The following RAP1A variants were observed in gnomAD, a reference collection of about 807,000 sequenced individuals.
RAP1A encodes ras-related protein Rap-1A.
Under a neutral mutation model 26.4 loss-of-function variants are expected in RAP1A, and 6 were observed. That is an observed-to-expected ratio of 0.23 (90% CI 0.12 to 0.45). RAP1A has a LOEUF of 0.45. RAP1A is among the 20% of genes least tolerant of loss of function. The pLI is 0.99. For missense variants in RAP1A, 121 were observed against 217.2 expected, an observed-to-expected ratio of 0.56 and a Z score of 2.78; for synonymous variants, 73 against 79.4, an observed-to-expected ratio of 0.92 and a Z score of 0.43.
intron 1 of RAP1A, among the ~76,000 whole-genome samples, chr1:111,653,798 G>C (rs1373273939): frequency 6.6e-6 from 1 of 152,008 alleles, no homozygotes; most frequent in African/African-American, 2.4e-5. Context: ...GAGAGGTCAG[G>C]GAGAGAAAAG....
At chr1:111,673,151 G>C (rs1661025180) in intron 1 of RAP1A, among the ~76,000 whole-genome samples, 1 of 152,126 alleles carries the variant, frequency 6.6e-6, no homozygotes, top group South Asian at 2.1e-4. Context: ...ACTCTAAAGA[G>C]CACTGTCCTT....
chr1:111,635,405 C>A (rs940330229), intron 1 of RAP1A, among the ~76,000 whole-genome samples: 1 of 152,158 alleles, frequency 6.6e-6, no homozygotes, highest in Non-Finnish European at 1.5e-5. Flanking sequence ...CATGTAGTGC[C>A]TACCAGTTTT....
intron 1 of RAP1A, among the ~76,000 whole-genome samples, chr1:111,628,310 A>G (rs368232060): frequency 6.6e-6 from 1 of 152,318 alleles, no homozygotes; most frequent in East Asian, 1.9e-4. Flanking sequence ...CAGTGGCAGC[A>G]GGAGGGGAAT....
intron 1 of RAP1A, among the ~76,000 whole-genome samples, chr1:111,640,311 CTA>C (rs146459634): frequency 0.065 from 9,862 of 152,174 alleles, 741 homozygotes; most frequent in African/African-American, 0.18. Flanking sequence ...GATTATAAAA[CTA>C]TGTGATATTT....
At chr1:111,670,843 T>C (rs1051139677) in intron 1 of RAP1A, among the ~76,000 whole-genome samples, 2 of 152,226 alleles carry the variant, frequency 1.3e-5, no homozygotes, top group African/African-American at 4.8e-5. Context: ...ATTGTATCTG[T>C]TGTCATAATA....
intron 1 of RAP1A, chr1:111,564,057 G>A (rs1213769001): frequency 1.2e-6 from 1 of 820,264 alleles, no homozygotes; most frequent in East Asian, 2.5e-5. Context: ...CCCTGTTTTG[G>A]GGGGTAGAGA....
At chr1:111,584,371 G>C (rs1658321147) in intron 1 of RAP1A, among the ~76,000 whole-genome samples, 1 of 152,034 alleles carries the variant, frequency 6.6e-6, no homozygotes, top group South Asian at 2.1e-4. Flanking sequence ...AATAGTTCTG[G>C]AGACTGGGTA....
At chr1:111,543,574 C>T (rs1656924343) in intron 1 of RAP1A, among the ~76,000 whole-genome samples, 2 of 151,058 alleles carry the variant, frequency 1.3e-5, no homozygotes, top group South Asian at 4.2e-4. Context: ...AGATTTTCCT[C>T]ATTAAAAGAT....
At chr1:111,683,427 A>C (rs1661368241) in intron 1 of RAP1A, among the ~76,000 whole-genome samples, 1 of 152,204 alleles carries the variant, frequency 6.6e-6, no homozygotes, top group Non-Finnish European at 1.5e-5. Flanking sequence ...AGCCAGACTA[A>C]TAAAGAAGGA....
At chr1:111,662,830 G>A (rs1660681716) in intron 1 of RAP1A, among the ~76,000 whole-genome samples, 1 of 152,182 alleles carries the variant, frequency 6.6e-6, no homozygotes, top group Admixed American at 6.5e-5. Context: ...ATATTAATGA[G>A]GATAAATGAC....
chr1:111,674,285 A>G (rs1355757435), intron 1 of RAP1A, among the ~76,000 whole-genome samples: 2 of 131,878 alleles, frequency 1.5e-5, no homozygotes, highest in African/African-American at 2.9e-5. Context: ...TTTCATGGAC[A>G]TCACTTTTTT....
chr1:111,544,589 T>C (rs1656968515), intron 1 of RAP1A, among the ~76,000 whole-genome samples: 1 of 152,226 alleles, frequency 6.6e-6, no homozygotes, highest in Admixed American at 6.5e-5. Context: ...CCACATTTTG[T>C]TTATCCCCTT....
chr1:111,683,848 G>C (rs1406330979), intron 1 of RAP1A, among the ~76,000 whole-genome samples: 1 of 152,230 alleles, frequency 6.6e-6, no homozygotes, highest in Admixed American at 6.5e-5. Flanking sequence ...ACCTGGCAGA[G>C]ACACAACAAA....
chr1:111,600,412 C>A (rs988472681), intron 1 of RAP1A, among the ~76,000 whole-genome samples: 14 of 152,228 alleles, frequency 9.2e-5, no homozygotes, highest in African/African-American at 3.4e-4. Context: ...AATGGATATT[C>A]TTCTGCCTGT....
intron 1 of RAP1A, among the ~76,000 whole-genome samples, chr1:111,688,341 A>G (rs1463657690): frequency 2.3e-5 from 3 of 129,552 alleles, no homozygotes; most frequent in Admixed American, 8.6e-5. Context: ...TTTTTTTGAG[A>G]CGGAGTCTTG....
At chr1:111,658,721 T>C (rs1660541656) in intron 1 of RAP1A, among the ~76,000 whole-genome samples, 1 of 152,226 alleles carries the variant, frequency 6.6e-6, no homozygotes, top group South Asian at 2.1e-4. Context: ...TGTCCTGCAG[T>C]ACCTGGCTGT....
intron 1 of RAP1A, among the ~76,000 whole-genome samples, chr1:111,550,358 C>G (rs979985660): frequency 6.6e-6 from 1 of 151,862 alleles, no homozygotes; most frequent in Non-Finnish European, 1.5e-5. Context: ...TATTTTCTTC[C>G]TTTTTCTTGC....
chr1:111,677,833 T>C (rs998579019), intron 1 of RAP1A, among the ~76,000 whole-genome samples: 3 of 152,202 alleles, frequency 2.0e-5, no homozygotes, highest in East Asian at 1.9e-4. Context: ...AGGGAACTTA[T>C]TCAAGGATAT....
chr1:111,673,562 A>G (rs2073646201), intron 1 of RAP1A, among the ~76,000 whole-genome samples: 1 of 152,256 alleles, frequency 6.6e-6, no homozygotes, highest in Admixed American at 6.5e-5. Context: ...AACTTGGACC[A>G]TAATGTTAGG....
Sources: allele counts gnomAD v4.1 joint callset (sites outside exome capture counted in the v4.1 genomes callset), GRCh38; gene constraint gnomAD v4.1.1; transcripts MANE v1.5; gene names NCBI Gene and HGNC (gene_info 2026-07-23, HGNC 2026-07-21).